TEX9: variants seen among roughly 807,000 people sequenced by gnomAD.
TEX9 encodes testis expressed 9, also known as testis-expressed protein 9.
In TEX9, 74 loss-of-function variants were observed where a neutral mutation model predicts 59.6. That is an observed-to-expected ratio of 1.24 (90% CI 1.03 to 1.51). The LOEUF (loss-of-function observed/expected upper bound fraction) is 1.51. Among genes scored for constraint, TEX9 ranks in the 40% most tolerant of loss-of-function variants. The pLI, the probability that TEX9 is intolerant of heterozygous loss-of-function variation, is 0.00. For synonymous variants in TEX9, 186 were observed against 152.2 expected (o/e 1.22, Z -1.64); for missense variants, 522 against 447.8 (o/e 1.17, Z -1.49).
At chr15:56,413,207 T>TAATAATTA (rs2049457648) in intron 10 of TEX9, among the ~76,000 whole-genome samples, 1 of 42,222 alleles carries the variant, frequency 2.4e-5, no homozygotes, top group Non-Finnish European at 5.0e-5. Flanking sequence ...ATTTAATATT[T>TAATAATTA]AATAATTAAA....
chr15:56,383,191 A>G (rs1468851243), intron 3 of TEX9, among the ~76,000 whole-genome samples: 5 of 152,180 alleles, frequency 3.3e-5, no homozygotes, highest in African/African-American at 9.7e-5. Context: ...ACTGAGTTCA[A>G]TGCACAGTCG....
chr15:56,405,199 G>C (rs1356719908), intron 9 of TEX9, among the ~76,000 whole-genome samples: 2 of 152,020 alleles, frequency 1.3e-5, no homozygotes, highest in Non-Finnish European at 2.9e-5. Flanking sequence ...AGCTACTTGG[G>C]AGGCTGAGGC....
At chr15:56,392,464 T>TA (rs1204934544) in intron 7 of TEX9, among the ~76,000 whole-genome samples, 1 of 151,968 alleles carries the variant, frequency 6.6e-6, no homozygotes, top group Non-Finnish European at 1.5e-5. Flanking sequence ...AAAGGGATGA[T>TA]ACTAAACCAT....
downstream of TEX9, among the ~76,000 whole-genome samples, chr15:56,449,108 A>G (rs1033576410): frequency 2.6e-5 from 4 of 152,156 alleles, no homozygotes; most frequent in Non-Finnish European, 5.9e-5. Flanking sequence ...TCTGTGAATA[A>G]TTAAATTTTT....
chr15:56,313,210 C>G (rs1392732351), intron 1 of TEX9, among the ~76,000 whole-genome samples: 1 of 146,312 alleles, frequency 6.8e-6, no homozygotes, highest in Non-Finnish European at 1.5e-5. Flanking sequence ...GAGAGGGCAT[C>G]CCTGTCTTGT....
At chr15:56,427,949 T>G (rs1681162334) in intron 11 of TEX9, among the ~76,000 whole-genome samples, 1 of 152,072 alleles carries the variant, frequency 6.6e-6, no homozygotes, top group South Asian at 2.1e-4. Context: ...ATAAGTAAGT[T>G]AGTGTAGAAA....
upstream of TEX9, among the ~76,000 whole-genome samples, chr15:56,363,640 G>T (rs1190138552): frequency 6.6e-6 from 1 of 150,820 alleles, no homozygotes; most frequent in Non-Finnish European, 1.5e-5. Flanking sequence ...AACTTGGGTT[G>T]TCTTTTTTAA....
At chr15:56,403,964 G>A (rs909488527) in intron 9 of TEX9, among the ~76,000 whole-genome samples, 11 of 152,076 alleles carry the variant, frequency 7.2e-5, no homozygotes, top group Non-Finnish European at 1.6e-4. Flanking sequence ...TTCCTTACAC[G>A]TTATACGAAA....
chr15:56,434,746 T>C (rs1240287658), intron 12 of TEX9, among the ~76,000 whole-genome samples: 2 of 152,132 alleles, frequency 1.3e-5, no homozygotes, highest in Non-Finnish European at 2.9e-5. Context: ...TGAATCATTC[T>C]AGAATCTTGC....
At chr15:56,319,348 A>G (rs1178205470) in intron 1 of TEX9, among the ~76,000 whole-genome samples, 2 of 137,680 alleles carry the variant, frequency 1.5e-5, no homozygotes, top group African/African-American at 5.0e-5. Context: ...CACAAGCAGA[A>G]GACTCTTACC....
chr15:56,401,014 C>T (rs1297563512), intron 9 of TEX9, among the ~76,000 whole-genome samples: 1 of 152,010 alleles, frequency 6.6e-6, no homozygotes, highest in Admixed American at 6.6e-5. Context: ...CTGGTACCAG[C>T]CACTGCAAAA....
intron 1 of TEX9, among the ~76,000 whole-genome samples, chr15:56,280,856 C>G (rs968182632): frequency 9.9e-5 from 15 of 152,210 alleles, no homozygotes; most frequent in African/African-American, 3.6e-4. Context: ...AGATGAATAA[C>G]TTACGCCTAG....
At chr15:56,433,057 T>G (rs2050640253) in intron 12 of TEX9, among the ~76,000 whole-genome samples, 1 of 152,290 alleles carries the variant, frequency 6.6e-6, no homozygotes, top group Admixed American at 6.5e-5. Flanking sequence ...CTCCAACACT[T>G]AAATCTACAT....
exon 10 of TEX9, chr15:56,412,349 A>T (rs113495728): frequency 1.2e-6 from 2 of 1,613,390 alleles, no homozygotes; most frequent in African/African-American, 1.3e-5. Flanking sequence ...CAAGTAGTCA[A>T]AGTGCCACAG....
At chr15:56,443,697 C>T in intron 12 of TEX9, 1 of 1,613,398 alleles carries the variant, frequency 6.2e-7, no homozygotes, top group Non-Finnish European at 8.5e-7. Flanking sequence ...ATCCGATCTT[C>T]TTCTCTTTGC....
upstream of TEX9, chr15:56,365,319 G>A: frequency 7.9e-7 from 1 of 1,268,704 alleles, no homozygotes; most frequent in African/African-American, 1.5e-5. Context: ...CGCTGCCAGA[G>A]GCTCGCGCCG....
At chr15:56,431,250 C>A in intron 12 of TEX9, 2 of 1,078,954 alleles carry the variant, frequency 1.9e-6, no homozygotes, top group Non-Finnish European at 2.7e-6. Flanking sequence ...ACAGGAGGAT[C>A]CCATTGCTGC....
At chr15:56,378,068 C>G (rs183193938) in intron 3 of TEX9, among the ~76,000 whole-genome samples, 1 of 152,166 alleles carries the variant, frequency 6.6e-6, no homozygotes, top group East Asian at 1.9e-4. Flanking sequence ...TGGGGTAAAT[C>G]CCACATGGTC....
the TEX9 span, chr15:56,456,458 A>T: frequency 1.9e-6 from 3 of 1,612,310 alleles, no homozygotes; most frequent in Admixed American, 1.7e-5. Context: ...AGTTTTGCCA[A>T]TTCCATAGCC....
Sources: allele counts gnomAD v4.1 joint callset (sites outside exome capture counted in the v4.1 genomes callset), GRCh38; gene constraint gnomAD v4.1.1; transcripts MANE v1.5; gene names NCBI Gene and HGNC (gene_info 2026-07-23, HGNC 2026-07-21).